The following TLL1 variants were observed in gnomAD, a reference collection of about 807,000 sequenced individuals.
TLL1 encodes tolloid like 1.
A neutral mutation model predicts 128.2 loss-of-function variants in TLL1; 49 were observed. The observed-to-expected ratio is 0.38, with a 90% CI of 0.30 to 0.48. The LOEUF (loss-of-function observed/expected upper bound fraction) is 0.48. Ranked by LOEUF, TLL1 falls within the 20% of genes least tolerant of loss-of-function variation. The pLI is 0.96. For synonymous variants in TLL1, 454 were observed against 418.8 expected, an observed-to-expected ratio of 1.08 and a Z score of -1.03; for missense variants, 1,123 against 1,242.0, an observed-to-expected ratio of 0.90 and a Z score of 1.44.
chr4:166,003,039 G>A (rs1737241364), intron 5 of TLL1, among the ~76,000 whole-genome samples: 3 of 152,148 alleles, frequency 2.0e-5, no homozygotes, highest in Admixed American at 2.0e-4. Context: ...GATGGCTTCA[G>A]CTTAACTATA....
At chr4:165,973,623 T>G (rs1344154484) in intron 1 of TLL1, among the ~76,000 whole-genome samples, 1 of 151,630 alleles carries the variant, frequency 6.6e-6, no homozygotes, top group Non-Finnish European at 1.5e-5. Flanking sequence ...GGGGAGAAAA[T>G]ATTGCAGCAC....
At chr4:166,021,432 CTTTTTT>C (rs113942126) in intron 8 of TLL1, among the ~76,000 whole-genome samples, 1 of 120,450 alleles carries the variant, frequency 8.3e-6, no homozygotes, top group Non-Finnish European at 1.7e-5. Context: ...TTATTTTTGC[CTTTTTT>C]TTTTTTTTTT....
intron 9 of TLL1, among the ~76,000 whole-genome samples, chr4:166,035,229 A>G (rs565432446): frequency 2.8e-4 from 43 of 152,326 alleles, no homozygotes; most frequent in African/African-American, 9.9e-4. Flanking sequence ...TTATTTTAAT[A>G]GAATAATTCA....
chr4:165,969,575 T>A (rs1735541267), intron 1 of TLL1, among the ~76,000 whole-genome samples: 1 of 152,250 alleles, frequency 6.6e-6, no homozygotes. Flanking sequence ...ATGAAAAATG[T>A]CTTCTCTTTC....
In TLL1 at chr4:166,011,918, T is replaced by C. The variant is rs189661611; in HGVS notation, c.918-2518T>C. Among the ~76,000 whole-genome samples, 714 of 151,632 alleles carry C rather than the reference T, an allele frequency of 4.7e-3. 6 individuals are homozygous for C. Among genetic ancestry groups the C allele is most frequent in the Admixed American group, 6.8e-3 (103 of 15,166 alleles). ...TGGTTTTTGTTCTTTATTCTGTTAA[T>C]GTAGGTATTTGAAGTTTCTTAGTTT... On this transcript the variant is annotated intron_variant, in intron 7 of 20. Coordinates refer to ENST00000061240, the MANE Select transcript of TLL1 (RefSeq NM_012464.5).
rs1730574226 is a variant in TLL1 at position 165,873,340 on chromosome 4, C to G, written c.-565C>G. The G allele has an allele frequency of 6.5e-6, 1 of 153,662 alleles. No individual in the cohort carries two copies. The highest frequency in any genetic ancestry group is 1.4e-5 in the Non-Finnish European group (1 of 69,328). 9.5% of individuals were successfully genotyped at this position (153,662 alleles called of 1,614,324 possible). A position where few individuals can be genotyped will look rare whatever the true frequency, so the allele number is the denominator to read the frequency against. ...GTCTCGCGGCGTAGAAATGCCTGGCCCCCACCCCCTTCCTCGGTCTCCCCT... is the reference window on the plus strand; with the variant it reads ...GTCTCGCGGCGTAGAAATGCCTGGCGCCCACCCCCTTCCTCGGTCTCCCCT... On this transcript the variant is annotated 5_prime_UTR_variant, in exon 1 of 21. Transcript: ENST00000061240.
At chr4:165,987,923 G>A (rs1357250030) in intron 1 of TLL1, among the ~76,000 whole-genome samples, 4 of 152,036 alleles carry the variant, frequency 2.6e-5, no homozygotes, top group African/African-American at 9.7e-5. Context: ...CACTTTCTAC[G>A]ATTTTAATGT....
At chr4:166,011,515 C>T (rs777210142) in intron 7 of TLL1, among the ~76,000 whole-genome samples, 9 of 151,372 alleles carry the variant, frequency 5.9e-5, no homozygotes, top group Non-Finnish European at 8.9e-5. Context: ...CTGGTTCTAA[C>T]GGATTTTGTG....
intron 19 of TLL1, among the ~76,000 whole-genome samples, chr4:166,096,917 G>C (rs1742049395): frequency 6.6e-6 from 1 of 152,006 alleles, no homozygotes; most frequent in Non-Finnish European, 1.5e-5. Flanking sequence ...CAATTTTCCT[G>C]GTTTTTCATT....
At chr4:166,026,999 C>T (rs745344639) in intron 9 of TLL1, among the ~76,000 whole-genome samples, 4 of 152,094 alleles carry the variant, frequency 2.6e-5, no homozygotes, top group Middle Eastern at 3.4e-3. Context: ...AGATGCCCGT[C>T]GATGGTGGAT....
At chr4:165,916,671 C>A (rs925122858) in intron 1 of TLL1, among the ~76,000 whole-genome samples, 1 of 152,096 alleles carries the variant, frequency 6.6e-6, no homozygotes, top group Non-Finnish European at 1.5e-5. Flanking sequence ...TGGGAAAAAA[C>A]TCACCAATAT....
chr4:166,004,467 G>A (rs1416384051), intron 6 of TLL1, among the ~76,000 whole-genome samples: 1 of 152,066 alleles, frequency 6.6e-6, no homozygotes, highest in African/African-American at 2.4e-5. Flanking sequence ...ACAAAGTTTA[G>A]TGTGGGATAT....
rs1230670258 is a variant in TLL1, at chr4:166,042,073, C to G, written c.1308C>G (p.Asp436Glu). Residue 436 changes from aspartate to glutamate, a missense_variant, in exon 11 of 21, where the codon GAC (aspartate) becomes GAG (glutamate). By Grantham distance (45) the Asp-to-Glu change is conservative. Coordinates refer to ENST00000061240, the MANE Select transcript of TLL1 (RefSeq NM_012464.5). ...DKLPEVLTSTDSRMWIEFRSS... is the reference protein window; with the variant it reads ...DKLPEVLTSTESRMWIEFRSS... ...TGCCTGAAGTTCTTACTTCTACAGA[C>G]AGCAGAATGTGGATTGAGTTTCGTA... is the stretch of plus-strand genomic sequence containing the variant. The G allele has an allele frequency of 4.3e-6, 7 of 1,612,220 alleles. No homozygotes were observed. The Admixed American group carries it at 5.0e-5, about 12-fold the overall frequency.
intron 1 of TLL1, among the ~76,000 whole-genome samples, chr4:165,884,971 C>A (rs1011140475): frequency 1.3e-5 from 2 of 151,982 alleles, no homozygotes; most frequent in Non-Finnish European, 2.9e-5. Context: ...TTGAAGTTAC[C>A]GGGTTCACTT....
chr4:166,060,281 T>A, intron 15 of TLL1, 93 bp downstream of exon 15: 3 of 1,329,484 alleles, frequency 2.3e-6, no homozygotes, highest in South Asian at 1.2e-5. Flanking sequence ...TGTAGTAAAA[T>A]AGTATAGACA....
At chr4:166,024,545 A>C (rs1162437020) in intron 8 of TLL1, among the ~76,000 whole-genome samples, 3 of 152,322 alleles carry the variant, frequency 2.0e-5, no homozygotes, top group East Asian at 3.9e-4. Context: ...TTGCAAGAGC[A>C]ACAGGGAAGC....
chr4:165,960,673 A>G (rs1281098561), intron 1 of TLL1, among the ~76,000 whole-genome samples: 3 of 152,218 alleles, frequency 2.0e-5, no homozygotes, highest in Admixed American at 1.3e-4. Flanking sequence ...TCAAATCAAT[A>G]AATGTAATTC....
intron 1 of TLL1, among the ~76,000 whole-genome samples, chr4:165,948,116 T>G (rs2110934727): frequency 6.6e-6 from 1 of 152,228 alleles, no homozygotes; most frequent in East Asian, 1.9e-4. Flanking sequence ...AGAAACCTAA[T>G]GTATTTTGCT....
intron 1 of TLL1, among the ~76,000 whole-genome samples, chr4:165,883,635 T>C (rs1731053697): frequency 6.6e-6 from 1 of 152,214 alleles, no homozygotes; most frequent in Admixed American, 6.5e-5. Flanking sequence ...GTAGTATAAA[T>C]ATATAAGATG....
Sources: gnomAD v4.1 joint callset for allele counts (sites outside exome capture counted in the v4.1 genomes callset) on GRCh38, gnomAD v4.1.1 for gene constraint, MANE v1.5 for transcripts, NCBI Gene and HGNC (gene_info 2026-07-23, HGNC 2026-07-21) for gene names.